The following NOMO2 variants were observed in gnomAD, a reference collection of about 807,000 sequenced individuals.
The protein encoded by NOMO2 is NODAL modulator 2.
A neutral mutation model predicts 67.1 loss-of-function variants in NOMO2; 14 were observed. That is an observed-to-expected ratio of 0.21 (90% CI 0.14 to 0.33). The LOEUF is 0.33. NOMO2 is among the 10% of genes least tolerant of loss of function. NOMO2 has a pLI of 1.00. For missense variants in NOMO2, 178 were observed against 761.0 expected (o/e 0.23, Z 9.01); for synonymous variants, 80 against 305.9 (o/e 0.26, Z 7.71).
chr16:18,556,983 T>C (rs1018865229), intron 2 of NOMO2, among the ~76,000 whole-genome samples: 1 of 151,908 alleles, frequency 6.6e-6, no homozygotes, highest in Non-Finnish European at 1.5e-5. Flanking sequence ...AAACATTAGC[T>C]GGGTGTAGTG....
At chr16:18,520,504 C>T in intron 20 of NOMO2, 93 bp downstream of exon 20, 2 of 669,060 alleles carry the variant, frequency 3.0e-6, no homozygotes, top group Non-Finnish European at 5.1e-6. Flanking sequence ...ACAAAGATGG[C>T]TTCACTATAA....
intron 9 of NOMO2, among the ~76,000 whole-genome samples, chr16:18,540,389 A>C (rs1013473788): frequency 5.3e-5 from 8 of 151,968 alleles, no homozygotes; most frequent in Non-Finnish European, 1.0e-4. Context: ...TGTTAGGAAA[A>C]CAGTAAAGAA....
intron 1 of NOMO2, chr16:18,558,708 C>T: frequency 2.6e-6 from 1 of 384,852 alleles, no homozygotes; most frequent in Admixed American, 2.8e-5. Context: ...GAAGTGTTAA[C>T]CCAGTAAGAT....
intron 9 of NOMO2, among the ~76,000 whole-genome samples, chr16:18,539,629 C>T (rs1305430552): frequency 2.6e-5 from 4 of 151,874 alleles, no homozygotes; most frequent in African/African-American, 4.8e-5. Context: ...TGGTGGCAGG[C>T]GCCTGTAATC....
At chr16:18,539,997 T>C (rs1007353183) in intron 9 of NOMO2, among the ~76,000 whole-genome samples, 10 of 151,442 alleles carry the variant, frequency 6.6e-5, no homozygotes, top group African/African-American at 2.2e-4. Context: ...CTCGTTCGAT[T>C]TCTTAGTTGT....
rs143953528 is a variant in NOMO2 at position 18,533,141 on chromosome 16, G to A, written c.1259C>T (p.Pro420Leu). The change falls in exon 12 of 31, where the codon CCG becomes CTG. Residue 420 changes from proline (P) to leucine (L), a missense_variant. Pro to Leu is a moderately conservative substitution (Grantham distance 98). Coordinates refer to ENST00000622306, the MANE Select transcript of NOMO2 (RefSeq NM_173614.4). ...TTTATTCATCTGCTTGACGGTGTCC[G>A]GGAAGCGAATGATTGATATCCGACC... ...VCGRISIIRF[P>L]DTVKQMNKYK... is the part of the protein sequence containing the mutation. 6.2e-5 allele frequency: 100 copies of A among 1,611,312 alleles called. 2 individuals carry two copies. Among genetic ancestry groups the A allele is most frequent in the Middle Eastern group, 2.2e-4 (1 of 4,450 alleles).
chr16:18,548,290 T>G (rs1901697313), intron 5 of NOMO2, among the ~76,000 whole-genome samples: 1 of 151,364 alleles, frequency 6.6e-6, no homozygotes, highest in South Asian at 2.1e-4. Flanking sequence ...AGAAAAAAAA[T>G]TACAGCTCCA....
intron 11 of NOMO2, among the ~76,000 whole-genome samples, chr16:18,534,710 C>A (rs1167679716): frequency 5.3e-5 from 1 of 18,956 alleles, no homozygotes; most frequent in African/African-American, 1.6e-4. Context: ...CCTATCAAAT[C>A]TCTTTGCCTC....
At chr16:18,544,589 C>A (rs1297601722) in intron 6 of NOMO2, among the ~76,000 whole-genome samples, 1 of 151,896 alleles carries the variant, frequency 6.6e-6, no homozygotes, top group African/African-American at 2.4e-5. Context: ...TGTTTCTGTA[C>A]CTCACTTCCA....
intron 1 of NOMO2, among the ~76,000 whole-genome samples, chr16:18,559,136 C>T (rs1901980627): frequency 1.3e-5 from 2 of 151,858 alleles, no homozygotes; most frequent in African/African-American, 4.8e-5. Context: ...ATACTCCAGC[C>T]TGAGCAACAG....
chr16:18,540,296 T>C (rs1474916531), intron 9 of NOMO2, among the ~76,000 whole-genome samples: 1 of 149,956 alleles, frequency 6.7e-6, no homozygotes, highest in Non-Finnish European at 1.5e-5. Flanking sequence ...TTTCATTCCA[T>C]GCATTACCTA....
intron 16 of NOMO2, among the ~76,000 whole-genome samples, chr16:18,526,949 G>A (rs1378471724): frequency 6.6e-6 from 1 of 151,684 alleles, no homozygotes; most frequent in Non-Finnish European, 1.5e-5. Context: ...GGGTGCAGCA[G>A]CTCACACCTG....
At chr16:18,536,505 T>C (rs1378961279) in intron 11 of NOMO2, among the ~76,000 whole-genome samples, 1 of 152,094 alleles carries the variant, frequency 6.6e-6, no homozygotes, top group African/African-American at 2.4e-5. Context: ...GACCAGGTTA[T>C]GAAACTAGCT....
intron 3 of NOMO2, among the ~76,000 whole-genome samples, chr16:18,553,481 T>C (rs1901835820): frequency 1.3e-5 from 2 of 151,070 alleles, no homozygotes; most frequent in South Asian, 2.1e-4. Context: ...GGATCTCTAA[T>C]TTGTAGAAGG....
intron 12 of NOMO2, among the ~76,000 whole-genome samples, 181 bp from the exon 13 acceptor site, chr16:18,531,788 A>G (rs560007703): frequency 5.3e-5 from 8 of 152,242 alleles, no homozygotes; most frequent in South Asian, 4.2e-4. Flanking sequence ...AAGTAAGCAC[A>G]GTTCTACCCA....
chr16:18,549,189 A>T (rs1278688471), intron 5 of NOMO2, among the ~76,000 whole-genome samples: 1 of 151,966 alleles, frequency 6.6e-6, no homozygotes, highest in African/African-American at 2.4e-5. Flanking sequence ...GAGTCTCCCT[A>T]TGTTGTCCAG....
intron 16 of NOMO2, among the ~76,000 whole-genome samples, chr16:18,525,791 G>A (rs1014904559): frequency 4.0e-5 from 6 of 151,684 alleles, no homozygotes; most frequent in African/African-American, 7.3e-5. Context: ...AGGAGGGGGC[G>A]CAAGGAAATG....
At chr16:18,533,287 T>C (rs994481274) in intron 11 of NOMO2, 108 bp from the exon 12 acceptor site, 56 of 1,168,804 alleles carry the variant, frequency 4.8e-5, no homozygotes, top group Non-Finnish European at 6.9e-5. Flanking sequence ...TTCCTGAGAA[T>C]AGTCTAATCT....
intron 3 of NOMO2, among the ~76,000 whole-genome samples, chr16:18,552,095 T>C (rs370882255): frequency 1.3e-5 from 2 of 149,846 alleles, no homozygotes; most frequent in East Asian, 1.9e-4. Context: ...AGCTCAGCCA[T>C]GTTAAACCAG....
Sources: gnomAD v4.1 joint callset for allele counts (sites outside exome capture counted in the v4.1 genomes callset) on GRCh38, gnomAD v4.1.1 for gene constraint, MANE v1.5 for transcripts, NCBI Gene and HGNC (gene_info 2026-07-23, HGNC 2026-07-21) for gene names.